The following MYO5B variants were observed in gnomAD, a reference collection of about 807,000 sequenced individuals.
The protein encoded by MYO5B is unconventional myosin-Vb.
In MYO5B, 143 loss-of-function variants were observed where a neutral mutation model predicts 229.3. The observed-to-expected ratio is 0.62, with a 90% CI of 0.54 to 0.72. The LOEUF is 0.72. Ranked by LOEUF, MYO5B falls within the 30% of genes least tolerant of loss-of-function variation. The probability of loss-of-function intolerance (pLI) is 0.00; values close to 1 mark genes in which losing one functional copy is unlikely to be tolerated. For missense variants in MYO5B, 2,321 were observed against 2,331.0 expected (o/e 1.00, Z 0.09); for synonymous variants, 918 against 885.2 (o/e 1.04, Z -0.66).
In MYO5B at chr18:49,839,198, G is replaced by A; in HGVS notation, c.4798C>T (p.Gln1600Ter). The A allele has an allele frequency of 1.9e-6, 3 of 1,614,196 alleles. No individual in the cohort carries two copies. Among genetic ancestry groups the A allele is most frequent in the Non-Finnish European group, 1.7e-6 (2 of 1,180,038 alleles). Residue 1600 changes from glutamine (Q) to a stop codon, truncating the protein, a stop_gained, in exon 36 of 40, where the codon CAG becomes TAG. Coordinates refer to ENST00000285039, the MANE Select transcript of MYO5B (RefSeq NM_001080467.3). LOFTEE classifies it high-confidence loss of function. ...ATTTTAATGAGCTGCTGGTAGATCT[G>A]AATGGAAAGGTCACTCAGCACCTGA... ...YRQVLSDLSI[Q>*]IYQQLIKIAE...
chr18:50,077,522 C>G (rs1445989336), intron 1 of MYO5B, among the ~76,000 whole-genome samples: 1 of 142,098 alleles, frequency 7.0e-6, no homozygotes, highest in African/African-American at 2.8e-5. Flanking sequence ...CACACACACA[C>G]ACACACACAC....
intron 14 of MYO5B, among the ~76,000 whole-genome samples, chr18:49,944,583 C>G (rs1160100265): frequency 6.6e-6 from 1 of 151,978 alleles, no homozygotes; most frequent in African/African-American, 2.4e-5. Flanking sequence ...GCCGTGTGGC[C>G]CATGGCAAAC....
intron 1 of MYO5B, among the ~76,000 whole-genome samples, chr18:50,124,297 C>A (rs751991251): frequency 1.7e-4 from 26 of 152,210 alleles, no homozygotes; most frequent in Admixed American, 1.6e-3. Context: ...TCAGAGTTTT[C>A]CAATACACAG....
chr18:50,026,555 T>A (rs545048131), intron 4 of MYO5B, among the ~76,000 whole-genome samples: 1 of 152,248 alleles, frequency 6.6e-6, no homozygotes, highest in Non-Finnish European at 1.5e-5. Context: ...ACTGAGCACA[T>A]AGAACTGGCT....
At chr18:49,952,441 C>G (rs2025440260) in intron 14 of MYO5B, among the ~76,000 whole-genome samples, 1 of 151,652 alleles carries the variant, frequency 6.6e-6, no homozygotes, top group African/African-American at 2.4e-5. Flanking sequence ...CTTCCCCTGA[C>G]TCTACCACCC....
At chr18:50,045,397 A>G (rs143189292) in intron 2 of MYO5B, among the ~76,000 whole-genome samples, 1 of 152,076 alleles carries the variant, frequency 6.6e-6, no homozygotes, top group African/African-American at 2.4e-5. Context: ...TGGAGTCCTG[A>G]GAGTTTTTCT....
At chr18:50,160,635 CG>C (rs1568128899) in intron 1 of MYO5B, among the ~76,000 whole-genome samples, 2 of 152,018 alleles carry the variant, frequency 1.3e-5, no homozygotes, top group South Asian at 2.1e-4. Flanking sequence ...ATGAGAGGGT[CG>C]GGGGGTGGCT....
At chr18:49,865,123 A>G (rs1477743104) in intron 27 of MYO5B, among the ~76,000 whole-genome samples, 1 of 152,158 alleles carries the variant, frequency 6.6e-6, no homozygotes, top group African/African-American at 2.4e-5. Context: ...AGGAAACCCA[A>G]AGATGTGGAT....
chr18:49,955,369 G>C (rs1253859974), intron 12 of MYO5B, among the ~76,000 whole-genome samples: 1 of 152,192 alleles, frequency 6.6e-6, no homozygotes, highest in East Asian at 1.9e-4. Context: ...ATGGGAAGGT[G>C]CTCCCTCCTC....
chr18:50,118,114 T>C (rs2031995791), intron 1 of MYO5B, among the ~76,000 whole-genome samples: 1 of 152,118 alleles, frequency 6.6e-6, no homozygotes, highest in South Asian at 2.1e-4. Flanking sequence ...GTTTGCCAAA[T>C]GATTGCAACT....
chr18:49,904,324 C>T (rs865842014), intron 20 of MYO5B, among the ~76,000 whole-genome samples: 25 of 152,206 alleles, frequency 1.6e-4, no homozygotes, highest in Admixed American at 9.2e-4. Flanking sequence ...CTGCACACAC[C>T]GGCTTCCACC....
At chr18:49,881,050 G>C (rs1286518424) in intron 22 of MYO5B, among the ~76,000 whole-genome samples, 1 of 152,196 alleles carries the variant, frequency 6.6e-6, no homozygotes, top group African/African-American at 2.4e-5. Context: ...TACGAAGGGA[G>C]CTAAAAGCTC....
In MYO5B at chr18:50,046,525, T is replaced by C. The variant is rs550823981; in HGVS notation, c.139-6211A>G. Reference sequence around the variant, plus strand: ...GCTGAAGGTTTTTAACTTAGGTCCATGGATGCAGGGGTTTTCTCATTTGTC... The same window carrying C: ...GCTGAAGGTTTTTAACTTAGGTCCACGGATGCAGGGGTTTTCTCATTTGTC... On this transcript the variant is annotated intron_variant, in intron 2 of 39. Transcript: ENST00000285039. Among the ~76,000 whole-genome samples, 3 of 152,304 alleles carry C rather than the reference T, an allele frequency of 2.0e-5. No individual in the cohort carries two copies. In the East Asian group the frequency reaches 5.8e-4, roughly 29 times the overall value.
In MYO5B at chr18:49,904,847, C is replaced by T; in HGVS notation, c.2415-19G>A. 1 of 1,612,410 alleles carries T rather than the reference C, an allele frequency of 6.2e-7. No individual in the cohort carries two copies. Among genetic ancestry groups the T allele is most frequent in the Non-Finnish European group, 8.5e-7 (1 of 1,179,856 alleles). Reference sequence around the variant, plus strand: ...AGCCAGCCTGGGGAGCAAGAGGAAACAGGCAGTGTCAGGGAGAGAGTATTG... The same window carrying T: ...AGCCAGCCTGGGGAGCAAGAGGAAATAGGCAGTGTCAGGGAGAGAGTATTG... On this transcript the variant is annotated intron_variant, in intron 19 of 39. Transcript: ENST00000285039.
chr18:50,007,727 G>C (rs1346033381), intron 4 of MYO5B, among the ~76,000 whole-genome samples: 1 of 152,174 alleles, frequency 6.6e-6, no homozygotes. Flanking sequence ...AGCTCTTAAT[G>C]CCTGGTACTC....
At chr18:50,187,028 C>T (rs775831756) in intron 1 of MYO5B, among the ~76,000 whole-genome samples, 4 of 152,188 alleles carry the variant, frequency 2.6e-5, no homozygotes, top group South Asian at 4.1e-4. Context: ...TAAGCTCTTT[C>T]GTAAATCTCC....
intron 2 of MYO5B, among the ~76,000 whole-genome samples, chr18:50,047,589 G>C (rs904166344): frequency 6.6e-6 from 1 of 152,036 alleles, no homozygotes; most frequent in Non-Finnish European, 1.5e-5. Flanking sequence ...CCCATTACTG[G>C]GTATATACCC....
chr18:50,021,186 G>T (rs1178260188), intron 4 of MYO5B, among the ~76,000 whole-genome samples: 3 of 152,184 alleles, frequency 2.0e-5, no homozygotes, highest in African/African-American at 7.2e-5. Flanking sequence ...GGCTCACACA[G>T]GGCCTCCGAG....
intron 22 of MYO5B, among the ~76,000 whole-genome samples, chr18:49,891,668 C>G (rs2144125295): frequency 6.6e-6 from 1 of 152,208 alleles, no homozygotes; most frequent in African/African-American, 2.4e-5. Flanking sequence ...AGCACAACCC[C>G]CTCTTGGCTG....
Sources: allele counts gnomAD v4.1 joint callset (sites outside exome capture counted in the v4.1 genomes callset), GRCh38; gene constraint gnomAD v4.1.1; transcripts MANE v1.5; gene names NCBI Gene and HGNC (gene_info 2026-07-23, HGNC 2026-07-21).